Variants in FKBP5 observed in about 807,000 individuals in gnomAD.
FKBP5 encodes the protein FKBP prolyl isomerase 5.
FKBP5 carries 23 observed loss-of-function variants against 50.5 expected under a neutral mutation model. That is an observed-to-expected ratio of 0.46 (90% CI 0.33 to 0.65). FKBP5 has a LOEUF of 0.65. FKBP5 is among the 30% of genes least tolerant of loss of function. FKBP5 has a pLI of 0.02. For synonymous variants in FKBP5, 176 were observed against 190.6 expected (o/e 0.92, Z 0.63); for missense variants, 411 against 553.1 (o/e 0.74, Z 2.58).
intron 1 of FKBP5, among the ~76,000 whole-genome samples, chr6:35,645,770 TTCA>T (rs1379228639): frequency 6.6e-6 from 1 of 152,188 alleles, no homozygotes; most frequent in Non-Finnish European, 1.5e-5. Context: ...CTTTTGAATG[TTCA>T]TCATTTGGAG....
chr6:35,702,597 C>T lies in FKBP5; in HGVS notation c.-20+17731G>A, dbSNP rs140115294. 1.6e-3 allele frequency among the ~76,000 whole-genome samples: 246 copies of T among 151,952 alleles called. 2 individuals are homozygous for T. In the East Asian group the frequency reaches 0.035, roughly 21 times the overall value. ...CTTCCCGAGTAGCTGGGACTACAGG[C>T]GCCCGCCACCACGCCCGGCTAATTT... On this transcript the variant is annotated intron_variant, in intron 2 of 11. Transcript: ENST00000536438.
chr6:35,635,984 GT>G (rs1488241168), intron 3 of FKBP5, among the ~76,000 whole-genome samples: 1 of 152,210 alleles, frequency 6.6e-6, no homozygotes, highest in Non-Finnish European at 1.5e-5. Flanking sequence ...CAATTACAAT[GT>G]GGAAACTGAA....
upstream of FKBP5, among the ~76,000 whole-genome samples, chr6:35,692,164 G>C (rs1441803775): frequency 6.6e-6 from 1 of 151,962 alleles, no homozygotes; most frequent in Non-Finnish European, 1.5e-5. Context: ...TTTTCTTTTA[G>C]AGACAAGGGC....
chr6:35,608,060 A>T (rs1293862493), intron 5 of FKBP5: 3 of 152,198 alleles, frequency 2.0e-5, no homozygotes, highest in Admixed American at 2.0e-4. Context: ...GAATGAAAGG[A>T]TGTCCCCTAC....
At chr6:35,583,893 T>G (rs1581785146) in intron 8 of FKBP5, 8 of 985,224 alleles carry the variant, frequency 8.1e-6, no homozygotes, top group Non-Finnish European at 9.6e-6. Flanking sequence ...ACAGCAAGGG[T>G]GGTGAAAATA....
intron 2 of FKBP5, among the ~76,000 whole-genome samples, chr6:35,700,515 C>T (rs1766161266): frequency 6.6e-6 from 1 of 152,068 alleles, no homozygotes; most frequent in African/African-American, 2.4e-5. Flanking sequence ...CTTGGTAGGC[C>T]CCGAACTCCA....
At chr6:35,669,106 A>C (rs868253333) in intron 1 of FKBP5, among the ~76,000 whole-genome samples, 1 of 152,186 alleles carries the variant, frequency 6.6e-6, no homozygotes, top group African/African-American at 2.4e-5. Flanking sequence ...TGTATTAATA[A>C]ATCACAGGAA....
At position 35,573,762 on chromosome 6, in the gene FKBP5, T is replaced by C. The variant is rs894995916; in HGVS notation, c.*2073A>G. On this transcript the variant is annotated 3_prime_UTR_variant, in exon 11 of 11. Transcript: ENST00000357266. ...CTTCTACACAAATTGTTTAAGATTATTGAATTTGATACAAGAATACGTGAA... is the reference window on the plus strand; with the variant it reads ...CTTCTACACAAATTGTTTAAGATTACTGAATTTGATACAAGAATACGTGAA... The C allele has an allele frequency of 6.6e-5, 10 of 152,210 alleles. No individual in the cohort carries two copies. Among genetic ancestry groups the C allele is most frequent in the Admixed American group, 2.0e-4 (3 of 15,274 alleles). The allele number at this position is 152,210 out of a possible 1,614,324, so 9.4% of individuals were successfully genotyped here. A position where few individuals can be genotyped will look rare whatever the true frequency, so the allele number is the denominator to read the frequency against.
intron 5 of FKBP5, 119 bp from the exon 6 acceptor site, chr6:35,597,523 C>A: frequency 8.5e-7 from 1 of 1,174,726 alleles, no homozygotes. Flanking sequence ...CTCATTTCAT[C>A]AAGAGACACA....
intron 3 of FKBP5, among the ~76,000 whole-genome samples, chr6:35,628,215 T>C (rs1764056997): frequency 6.6e-6 from 1 of 152,166 alleles, no homozygotes; most frequent in South Asian, 2.1e-4. Flanking sequence ...ATCTAGCTTT[T>C]CCAACACCAT....
chr6:35,584,340 G>A, intron 8 of FKBP5: 2 of 985,436 alleles, frequency 2.0e-6, no homozygotes, highest in South Asian at 9.4e-5. Context: ...ACTCAGGAGA[G>A]AGGCTTTACC....
In FKBP5 at chr6:35,652,068, G is replaced by GT. The variant is rs1463040713; in HGVS notation, c.-19-9226dup. On this transcript the variant is annotated intron_variant, in intron 1 of 10. Transcript: ENST00000357266. ...AATATTTTTGTAATTTCTTATGCCT[G>GT]TCTTTACTGCACTCTCTAAACATAA... 10 of 178,524 alleles carry GT rather than the reference G, an allele frequency of 5.6e-5. No individual in the cohort carries two copies. In the East Asian group the frequency reaches 1.7e-3, roughly 30 times the overall value. The allele number at this position is 178,524 out of a possible 1,614,324, so 11.1% of individuals were successfully genotyped here.
chr6:35,618,188 A>G (rs1227600933), intron 5 of FKBP5, among the ~76,000 whole-genome samples: 1 of 152,182 alleles, frequency 6.6e-6, no homozygotes, highest in Non-Finnish European at 1.5e-5. Context: ...TGAGAAATAA[A>G]TGAACAAACA....
At chr6:35,630,604 C>T (rs1424225131) in intron 3 of FKBP5, among the ~76,000 whole-genome samples, 1 of 152,166 alleles carries the variant, frequency 6.6e-6, no homozygotes, top group African/African-American at 2.4e-5. Flanking sequence ...CTAACCAGGA[C>T]CTACTTCATT....
At chr6:35,589,135 T>TTTTTTCCTCTGAGACGGAGTCTTGC in intron 7 of FKBP5, among the ~76,000 whole-genome samples, 1 of 144,462 alleles carries the variant, frequency 6.9e-6, no homozygotes, top group African/African-American at 2.5e-5. Context: ...TATATTTTTT[T>TTTTTTCCTCTGAGACGGAGTCTTGC]TTTTTTCCTC....
Position 35,627,704 on chromosome 6 carries a change from C to T in FKBP5, c.251-7430G>A, listed in dbSNP as rs141064452. Among the ~76,000 whole-genome samples the T allele has an allele frequency of 4.2e-3, 634 of 152,046 alleles. 2 individuals are homozygous for T. The highest frequency in any genetic ancestry group is 0.027 in the Middle Eastern group (8 of 294). On this transcript the variant is annotated intron_variant, in intron 3 of 10. Transcript: ENST00000357266. Reference sequence around the variant, plus strand: ...GTTGCCTGTACTTTTGATGTCATGCCAAGAAACCACTGCAAAATCCAATGT... The same window carrying T: ...GTTGCCTGTACTTTTGATGTCATGCTAAGAAACCACTGCAAAATCCAATGT...
intron 1 of FKBP5, among the ~76,000 whole-genome samples, chr6:35,656,515 T>C (rs1470185062): frequency 3.9e-5 from 6 of 152,356 alleles, no homozygotes; most frequent in Non-Finnish European, 5.9e-5. Context: ...TCACTTTCCA[T>C]TGCAACCCTC....
chr6:35,583,650 C>A, intron 8 of FKBP5: 1 of 900,768 alleles, frequency 1.1e-6, no homozygotes, highest in Non-Finnish European at 1.3e-6. Flanking sequence ...ATGCTACTGG[C>A]ATCTAATGGG....
intron 2 of FKBP5, among the ~76,000 whole-genome samples, chr6:35,710,194 T>C (rs114709095): frequency 0.028 from 4,236 of 152,162 alleles, 192 homozygotes; most frequent in African/African-American, 0.096. Context: ...GTGCAAAACA[T>C]AGGGCTGGGC....
Sources: gnomAD v4.1 joint callset for allele counts (sites outside exome capture counted in the v4.1 genomes callset) on GRCh38, gnomAD v4.1.1 for gene constraint, MANE v1.5 for transcripts, NCBI Gene and HGNC (gene_info 2026-07-23, HGNC 2026-07-21) for gene names.